The following BAZ1B variants were observed in gnomAD, a reference collection of about 807,000 sequenced individuals.
BAZ1B encodes bromodomain adjacent to zinc finger domain 1B.
BAZ1B carries 22 observed loss-of-function variants against 153.8 expected under a neutral mutation model. That is an observed-to-expected ratio of 0.14 (90% CI 0.10 to 0.20). The LOEUF is 0.20. BAZ1B is among the 10% of genes least tolerant of loss of function. BAZ1B has a pLI of 1.00. For synonymous variants in BAZ1B, 676 were observed against 633.4 expected (o/e 1.07, Z -1.01); for missense variants, 1,325 against 1,799.3 (o/e 0.74, Z 4.77).
intron 5 of BAZ1B, among the ~76,000 whole-genome samples, chr7:73,491,029 T>C (rs1554575399): frequency 6.6e-6 from 1 of 151,884 alleles, no homozygotes; most frequent in Non-Finnish European, 1.5e-5. Context: ...GGCTCATGCC[T>C]GTAATCCCAG....
In BAZ1B at chr7:73,487,308, G is replaced by A. The variant is rs1334258915; in HGVS notation, c.891+1886C>T. Among the ~76,000 whole-genome samples, 3 of 152,210 alleles carry A rather than the reference G, an allele frequency of 2.0e-5. No homozygotes were observed. In the East Asian group the frequency reaches 5.8e-4, roughly 29 times the overall value. On this transcript the variant is annotated intron_variant, in intron 6 of 19. Coordinates refer to ENST00000339594, the MANE Select transcript of BAZ1B (RefSeq NM_032408.4). The stretch of plus-strand genomic sequence containing the variant: ...CTGGGCGTGGTGGTACGTGCCTGTA[G>A]TCCCCAGCTACTAGTGAGACACAGG...
In BAZ1B at chr7:73,470,261, T is replaced by C. The variant is rs541008250; in HGVS notation, c.2732+84A>G. The C allele has an allele frequency of 2.0e-5, 28 of 1,371,068 alleles. No homozygotes were observed. In the South Asian group the frequency reaches 4.3e-4, roughly 21 times the overall value. 84.9% of individuals were successfully genotyped at this position (1,371,068 alleles called of 1,614,324 possible). On this transcript the variant is annotated intron_variant, in intron 8 of 19. Transcript: ENST00000339594. Reference sequence around the variant, plus strand: ...GGAAAACTGAAGAGAGAAGCTTGTCTATTCTTGTACTTTAGAAAATTTTCC... The same window carrying C: ...GGAAAACTGAAGAGAGAAGCTTGTCCATTCTTGTACTTTAGAAAATTTTCC...
intron 1 of BAZ1B, among the ~76,000 whole-genome samples, chr7:73,515,735 T>C (rs1790772512): frequency 6.6e-6 from 1 of 152,102 alleles, no homozygotes; most frequent in South Asian, 2.1e-4. Flanking sequence ...AGACAGGGTT[T>C]CATTCACTGT....
intron 3 of BAZ1B, 35 bp from the exon 4 acceptor site, chr7:73,498,733 T>C (rs558064582): frequency 6.3e-7 from 1 of 1,583,538 alleles, no homozygotes; most frequent in South Asian, 1.1e-5. Flanking sequence ...TCAGAGATAA[T>C]AAACACCCAG....
In BAZ1B at chr7:73,469,565, G is replaced by A. The variant is rs1024389573; in HGVS notation, c.2818C>T (p.His940Tyr). ...CCAGAGACTGTGTGGTCTTTGCAGT[G>A]ATGGTTGAATCGGTAGTCAATGCTG... is the stretch of plus-strand genomic sequence containing the variant. The part of the protein sequence containing the change: ...HDSIDYRFNH[H>Y]CKDHTVSGDE... The change falls in exon 9 of 20, where the codon CAC (histidine) becomes TAC (tyrosine). Residue 940 changes from histidine (H) to tyrosine (Y), a missense_variant. By Grantham distance (83) the His-to-Tyr change is moderately conservative. Transcript: ENST00000339594. 1 of 1,614,076 alleles carries A rather than the reference G, an allele frequency of 6.2e-7. No homozygotes were observed. The highest frequency in any genetic ancestry group is 1.7e-5 in the Admixed American group (1 of 60,004).
At chr7:73,518,660 G>A (rs1007993302) in intron 1 of BAZ1B, among the ~76,000 whole-genome samples, 11 of 152,114 alleles carry the variant, frequency 7.2e-5, no homozygotes, top group Admixed American at 1.3e-4. Flanking sequence ...CTACCACCTC[G>A]TCTGTGAACA....
rs11979274 is a variant in BAZ1B, at chr7:73,514,471, C to T, written c.108-3619G>A. 4.9e-3 allele frequency among the ~76,000 whole-genome samples: 728 copies of T among 149,526 alleles called. 8 individuals carry two copies. The highest frequency in any genetic ancestry group is 0.017 in the African/African-American group (694 of 40,614). ...CTGCTTGAACCTTGGAGACGGAGGT[C>T]GCAGTGAGCTGAGATCATGCCATTG... On this transcript the variant is annotated intron_variant, in intron 1 of 19. Transcript: ENST00000339594.
At chr7:73,443,881 G>A (rs894801521) in intron 17 of BAZ1B, 103 bp downstream of exon 17, 11 of 1,546,792 alleles carry the variant, frequency 7.1e-6, no homozygotes, top group South Asian at 3.5e-5. Context: ...AGAAGGAGGA[G>A]GGGGGAGGCT....
chr7:73,460,513 T>C (rs922033923), intron 12 of BAZ1B, among the ~76,000 whole-genome samples: 29 of 152,132 alleles, frequency 1.9e-4, no homozygotes, highest in South Asian at 6.2e-4. Context: ...TTTAAAGAGA[T>C]AGGTCTCACT....
At chr7:73,511,553 A>C (rs1790580335) in intron 1 of BAZ1B, among the ~76,000 whole-genome samples, 1 of 152,076 alleles carries the variant, frequency 6.6e-6, no homozygotes, top group East Asian at 1.9e-4. Context: ...TTACAAAAAA[A>C]ATTAATATTT....
At chr7:73,501,925 C>A (rs1250166695) in intron 3 of BAZ1B, among the ~76,000 whole-genome samples, 2 of 142,308 alleles carry the variant, frequency 1.4e-5, no homozygotes, top group Non-Finnish European at 3.0e-5. Flanking sequence ...GAATCTCACT[C>A]TGTCACCTAG....
In BAZ1B at chr7:73,462,098, ATGGTTGCTTGT is replaced by A. The variant is rs1788416801; in HGVS notation, c.3249+813_3249+823del. Among the ~76,000 whole-genome samples the A allele has an allele frequency of 2.0e-5, 3 of 152,232 alleles. No individual in the cohort carries two copies. The South Asian group carries it at 6.2e-4, about 31-fold the overall frequency. On this transcript the variant is annotated intron_variant, in intron 12 of 19. Coordinates refer to ENST00000339594, the MANE Select transcript of BAZ1B (RefSeq NM_032408.4). ...AAAAAATTCTAAAAATCAGCCAGGC[ATGGTTGCTTGT>A]ACCTGCAGTCCCAGCTACCTGGAAA... is the stretch of plus-strand genomic sequence containing the variant.
At position 73,440,921 on chromosome 7, in the gene BAZ1B, A is replaced by G. The variant is rs1401230975; in HGVS notation, c.*788T>C. Reference sequence around the variant, plus strand: ...CATCATAAAAGGGAAAGAAGACTACAAAGTTTTGCCTAAATATAACAACTA... The same window carrying G: ...CATCATAAAAGGGAAAGAAGACTACGAAGTTTTGCCTAAATATAACAACTA... On this transcript the variant is annotated 3_prime_UTR_variant, in exon 20 of 20. Transcript: ENST00000339594. The G allele has an allele frequency of 1.3e-5, 2 of 152,654 alleles. No homozygotes were observed. The highest frequency in any genetic ancestry group is 2.4e-5 in the African/African-American group (1 of 41,458). The allele number at this position is 152,654 out of a possible 1,614,324, so 9.5% of individuals were successfully genotyped here. A position where few individuals can be genotyped will look rare whatever the true frequency, so the allele number is the denominator to read the frequency against.
At chr7:73,520,074 T>G (rs782130340) in intron 1 of BAZ1B, among the ~76,000 whole-genome samples, 1 of 151,990 alleles carries the variant, frequency 6.6e-6, no homozygotes, top group Admixed American at 6.6e-5. Context: ...CCGGGCGTGG[T>G]GGCACGCGCC....
At chr7:73,456,480 G>A (rs1554569539) in intron 13 of BAZ1B, among the ~76,000 whole-genome samples, 1 of 152,100 alleles carries the variant, frequency 6.6e-6, no homozygotes, top group African/African-American at 2.4e-5. Context: ...ATTGAAAAAT[G>A]GGCAAAGGAC....
intron 4 of BAZ1B, among the ~76,000 whole-genome samples, chr7:73,496,613 A>G (rs574437662): frequency 6.6e-6 from 1 of 152,314 alleles, no homozygotes; most frequent in South Asian, 2.1e-4. Flanking sequence ...TTATTAATGA[A>G]GGCCTCAGAG....
chr7:73,520,376 TGAG>T (rs781991470), intron 1 of BAZ1B, among the ~76,000 whole-genome samples: 1 of 152,130 alleles, frequency 6.6e-6, no homozygotes, highest in Non-Finnish European at 1.5e-5. Context: ...GACAAAAAAG[TGAG>T]GTAATATTTA....
intron 13 of BAZ1B, among the ~76,000 whole-genome samples, chr7:73,451,729 T>G (rs917968520): frequency 9.2e-5 from 14 of 152,248 alleles, no homozygotes; most frequent in African/African-American, 3.1e-4. Context: ...TTTCAACATC[T>G]GCTTTGAAAA....
intron 6 of BAZ1B, among the ~76,000 whole-genome samples, chr7:73,484,251 C>T (rs1196532193): frequency 2.0e-5 from 3 of 150,600 alleles, no homozygotes; most frequent in Non-Finnish European, 3.0e-5. Flanking sequence ...GGCGACAGAG[C>T]GAGACTCTGT....
Sources: allele counts gnomAD v4.1 joint callset (sites outside exome capture counted in the v4.1 genomes callset), GRCh38; gene constraint gnomAD v4.1.1; transcripts MANE v1.5; gene names NCBI Gene and HGNC (gene_info 2026-07-23, HGNC 2026-07-21).